Variants in CDH13 observed in about 807,000 individuals in gnomAD.
The protein encoded by CDH13 is cadherin-13.
Under a neutral mutation model 63.8 loss-of-function variants are expected in CDH13, and 24 were observed. That is an observed-to-expected ratio of 0.38 (90% CI 0.27 to 0.53). CDH13 has a LOEUF of 0.53. Ranked by LOEUF, CDH13 falls within the 20% of genes least tolerant of loss-of-function variation. CDH13 has a pLI of 0.85. For synonymous variants in CDH13, 503 were observed against 355.3 expected (o/e 1.42, Z -4.67); for missense variants, 1,049 against 903.1 (o/e 1.16, Z -2.07).
chr16:83,248,687 C>T (rs1480394126), intron 5 of CDH13, among the ~76,000 whole-genome samples: 1 of 152,092 alleles, frequency 6.6e-6, no homozygotes, highest in Non-Finnish European at 1.5e-5. Flanking sequence ...AACTTCTCTC[C>T]TTCTAATCTT....
intron 7 of CDH13, among the ~76,000 whole-genome samples, chr16:83,573,856 A>G (rs1414333208): frequency 6.6e-6 from 1 of 152,204 alleles, no homozygotes; most frequent in East Asian, 1.9e-4. Flanking sequence ...TGACAGCAAC[A>G]TACATGCTAA....
chr16:83,165,862 A>G (rs1244813724), intron 4 of CDH13, among the ~76,000 whole-genome samples: 3 of 152,100 alleles, frequency 2.0e-5, no homozygotes, highest in Admixed American at 2.0e-4. Context: ...GAGAAGAACA[A>G]CTGAAAGGCT....
chr16:82,766,934 C>T (rs1223355972), intron 1 of CDH13, among the ~76,000 whole-genome samples: 1 of 152,120 alleles, frequency 6.6e-6, no homozygotes, highest in Non-Finnish European at 1.5e-5. Flanking sequence ...GCAGTGAGCA[C>T]TCATGTACCC....
intron 6 of CDH13, among the ~76,000 whole-genome samples, chr16:83,348,541 G>C (rs530279836): frequency 6.6e-6 from 1 of 152,324 alleles, no homozygotes; most frequent in South Asian, 2.1e-4. Context: ...CTGGGGCTTG[G>C]TTTAGCGTTC....
At chr16:83,605,898 A>AG (rs371440995) in intron 8 of CDH13, among the ~76,000 whole-genome samples, 240 of 152,330 alleles carry the variant, frequency 1.6e-3, no homozygotes, top group African/African-American at 5.4e-3. Context: ...GCAATTCTGC[A>AG]GGAGAGGTGG....
intron 7 of CDH13, among the ~76,000 whole-genome samples, chr16:83,507,713 A>G (rs2151597063): frequency 6.6e-6 from 1 of 152,180 alleles, no homozygotes; most frequent in South Asian, 2.1e-4. Flanking sequence ...TTGTCTTATC[A>G]CTTAGTTTAA....
chr16:82,749,488 A>G (rs9927002), intron 1 of CDH13, among the ~76,000 whole-genome samples: 12 of 152,060 alleles, frequency 7.9e-5, no homozygotes, highest in East Asian at 1.9e-4. Flanking sequence ...GAACTCATCT[A>G]TTCCTCCTAA....
chr16:83,569,276 T>C (rs4782818), intron 7 of CDH13, among the ~76,000 whole-genome samples: 69,503 of 151,890 alleles, frequency 0.46, 16,921 homozygotes, highest in African/African-American at 0.63. Flanking sequence ...CCTCTCCCCA[T>C]TGGAACCAGC....
intron 6 of CDH13, among the ~76,000 whole-genome samples, chr16:83,400,394 G>C (rs1300442840): frequency 6.6e-6 from 1 of 152,134 alleles, no homozygotes; most frequent in African/African-American, 2.4e-5. Flanking sequence ...TATGGGTTGG[G>C]ACGGCTACCG....
At chr16:83,348,215 C>T (rs938581029) in intron 6 of CDH13, among the ~76,000 whole-genome samples, 6 of 152,098 alleles carry the variant, frequency 3.9e-5, no homozygotes, top group South Asian at 2.1e-4. Context: ...CTAAGAGCCA[C>T]GTGACCCACT....
intron 5 of CDH13, among the ~76,000 whole-genome samples, chr16:83,315,848 C>A (rs148657265): frequency 2.6e-4 from 39 of 152,160 alleles, no homozygotes; most frequent in African/African-American, 8.9e-4. Flanking sequence ...GATTCTACAC[C>A]AGGAACTATG....
At chr16:83,667,235 C>A (rs1401184885) in intron 8 of CDH13, among the ~76,000 whole-genome samples, 1 of 152,154 alleles carries the variant, frequency 6.6e-6, no homozygotes, top group Non-Finnish European at 1.5e-5. Flanking sequence ...CAGCCCCTTT[C>A]CATTCTACTT....
chr16:82,645,885 A>C (rs1433244143), intron 1 of CDH13, among the ~76,000 whole-genome samples: 1 of 152,294 alleles, frequency 6.6e-6, no homozygotes, highest in Non-Finnish European at 1.5e-5. Context: ...TAAGGAATTT[A>C]GCAAAGAAAT....
intron 2 of CDH13, among the ~76,000 whole-genome samples, chr16:82,974,365 A>G (rs918350019): frequency 6.6e-6 from 1 of 152,050 alleles, no homozygotes; most frequent in African/African-American, 2.4e-5. Flanking sequence ...GAATGCCCAC[A>G]TTGTCTCTGG....
chr16:83,216,414 ATATATATATATAT>A lies in CDH13; in HGVS notation c.484-930_484-918del, dbSNP rs1567513882. On this transcript the variant is annotated intron_variant, in intron 4 of 13. Transcript: ENST00000567109. ...AGCATTGAAATATATATATATATAT[ATATATATATATAT>A]ATATATATATATATATACACAACCC... 1.0e-4 allele frequency among the ~76,000 whole-genome samples: 9 copies of A among 86,602 alleles called. 3 individuals carry two copies. Among genetic ancestry groups the A allele is most frequent in the Admixed American group, 4.0e-4 (3 of 7,430 alleles). 56.8% of individuals were successfully genotyped at this position (86,602 alleles called of 152,430 possible).
intron 5 of CDH13, among the ~76,000 whole-genome samples, chr16:83,236,585 T>C (rs2040151681): frequency 6.6e-6 from 1 of 152,170 alleles, no homozygotes; most frequent in Admixed American, 6.5e-5. Flanking sequence ...AAGGCTATTC[T>C]GGAAAAACAG....
intron 1 of CDH13, among the ~76,000 whole-genome samples, chr16:82,705,972 T>A (rs1567646054): frequency 1.3e-5 from 2 of 152,102 alleles, no homozygotes; most frequent in African/African-American, 2.4e-5. Context: ...AGGTGTTAAG[T>A]TTATACCCAG....
At chr16:82,814,671 G>A (rs947548024) in intron 1 of CDH13, among the ~76,000 whole-genome samples, 1 of 152,156 alleles carries the variant, frequency 6.6e-6, no homozygotes, top group African/African-American at 2.4e-5. Context: ...TATAATAAAT[G>A]CGTAAATATA....
At position 83,678,073 on chromosome 16, in the gene CDH13, A is replaced by G. The variant is rs1208473259; in HGVS notation, c.1285-135A>G. 4.2e-6 allele frequency: 3 copies of G among 720,952 alleles called. No homozygotes were observed. The African/African-American group carries it at 5.3e-5, about 13-fold the overall frequency. The allele number at this position is 720,952 out of a possible 1,614,324, so 44.7% of individuals were successfully genotyped here. A position where few individuals can be genotyped will look rare whatever the true frequency, so the allele number is the denominator to read the frequency against. On this transcript the variant is annotated intron_variant, in intron 9 of 13. Coordinates refer to ENST00000567109, the MANE Select transcript of CDH13 (RefSeq NM_001257.5). ...ATCTTAAAGATAGCCCCCCAGTTACACAGGCTTAGCCTCCAAAGCCCAGCT... is the reference window on the plus strand; with the variant it reads ...ATCTTAAAGATAGCCCCCCAGTTACGCAGGCTTAGCCTCCAAAGCCCAGCT...
Sources: gnomAD v4.1 joint callset for allele counts (sites outside exome capture counted in the v4.1 genomes callset) on GRCh38, gnomAD v4.1.1 for gene constraint, MANE v1.5 for transcripts, NCBI Gene and HGNC (gene_info 2026-07-23, HGNC 2026-07-21) for gene names.